The following MXRA7 variants were observed in gnomAD, a reference collection of about 807,000 sequenced individuals.
MXRA7 encodes matrix-remodeling-associated protein 7.
In MXRA7, 18 loss-of-function variants were observed where a neutral mutation model predicts 17.4. The ratio of observed to expected loss-of-function variants is 1.03; its 90% CI spans 0.71 to 1.53. The LOEUF (loss-of-function observed/expected upper bound fraction) is 1.53. Among genes scored for constraint, MXRA7 ranks in the 40% most tolerant of loss-of-function variants. The probability of loss-of-function intolerance (pLI) is 0.00; values close to 1 mark genes in which losing one functional copy is unlikely to be tolerated. For missense variants in MXRA7, 141 were observed against 209.3 expected, an observed-to-expected ratio of 0.67 and a Z score of 2.01; for synonymous variants, 70 against 101.7, an observed-to-expected ratio of 0.69 and a Z score of 1.87.
chr17:76,707,671 A>T (rs941589758), intron 1 of MXRA7, among the ~76,000 whole-genome samples: 1 of 152,034 alleles, frequency 6.6e-6, no homozygotes, highest in African/African-American at 2.4e-5. Flanking sequence ...ACAGACAAGA[A>T]ATTTAACTCT....
At chr17:76,684,468 C>T (rs992022227) in intron 3 of MXRA7, among the ~76,000 whole-genome samples, 2 of 152,164 alleles carry the variant, frequency 1.3e-5, no homozygotes, top group Non-Finnish European at 2.9e-5. Context: ...CTGTGCCCAG[C>T]GCACCCCTTC....
rs533781218 is a variant in MXRA7 at position 76,695,300 on chromosome 17, G to T, written c.343-7124C>A. Among the ~76,000 whole-genome samples the T allele has an allele frequency of 5.3e-5, 8 of 152,252 alleles. No individual in the cohort carries two copies. In the East Asian group the frequency reaches 1.5e-3, roughly 29 times the overall value. ...AAGAAGTGCCGGTTTCAGACACAGT[G>T]CAATGGAGACAAAGACACAAACCCT... On this transcript the variant is annotated intron_variant, in intron 1 of 3. Coordinates refer to ENST00000449428, the MANE Select transcript of MXRA7 (RefSeq NM_198530.4).
intron 1 of MXRA7, among the ~76,000 whole-genome samples, chr17:76,707,309 T>A (rs2076673604): frequency 9.9e-6 from 1 of 100,800 alleles, no homozygotes; most frequent in Non-Finnish European, 2.4e-5. Flanking sequence ...TTTTTTTTTT[T>A]TTTTTTTTTT....
chr17:76,677,565 GCTGT>G, downstream of MXRA7: 1 of 1,545,738 alleles, frequency 6.5e-7, no homozygotes, highest in Non-Finnish European at 8.9e-7. Flanking sequence ...AGGCATGGCC[GCTGT>G]GCATCCCGTG....
rs533630826 is a variant in MXRA7 at position 76,694,600 on chromosome 17, T to C, written c.343-6424A>G. 3.3e-5 allele frequency among the ~76,000 whole-genome samples: 5 copies of C among 152,294 alleles called. No homozygotes were observed. The South Asian group carries it at 1.0e-3, about 32-fold the overall frequency. On this transcript the variant is annotated intron_variant, in intron 1 of 3. Transcript: ENST00000449428. ...TGAATTCCAATTATTATTATTGTTA[T>C]TATTGAGACAGGGTCTTACTGTCAC...
rs2076654991 is a variant in MXRA7 at position 76,706,212 on chromosome 17, ATCACAAAGGCCCACTCTGCCG to A, written c.342+4372_342+4392del. On this transcript the variant is annotated intron_variant, in intron 1 of 3. Transcript: ENST00000449428. The stretch of plus-strand genomic sequence containing the variant: ...TGCCATCACAGAGGCCCACGCTGCC[ATCACAAAGGCCCACTCTGCCG>A]TCACAGAGGCCCACTCTGCCATCAC... Among the ~76,000 whole-genome samples, 113 of 43,866 alleles carry A rather than the reference ATCACAAAGGCCCACTCTGCCG, an allele frequency of 2.6e-3. 4 individuals carry two copies. Among genetic ancestry groups the A allele is most frequent in the Non-Finnish European group, 4.3e-3 (62 of 14,548 alleles). The allele number at this position is 43,866 out of a possible 152,430, so 28.8% of individuals were successfully genotyped here. A position where few individuals can be genotyped will look rare whatever the true frequency, so the allele number is the denominator to read the frequency against.
chr17:76,689,681 A>G (rs941760669), intron 1 of MXRA7: 3 of 152,188 alleles, frequency 2.0e-5, no homozygotes, highest in Admixed American at 1.3e-4. Flanking sequence ...CAGGATTTTT[A>G]TATAATGACT....
At position 76,680,717 on chromosome 17, in the gene MXRA7, T is replaced by C; in HGVS notation, c.*150A>G. On this transcript the variant is annotated 3_prime_UTR_variant, in exon 4 of 4. Transcript: ENST00000449428. ...ATCCTGCTAGCCAAGGGACAAGTCC[T>C]GATTGAGGGTCTAGAGCTCAGCAGA... The C allele has an allele frequency of 7.5e-6, 11 of 1,459,028 alleles. No homozygotes were observed. The highest frequency in any genetic ancestry group is 9.0e-6 in the Non-Finnish European group (10 of 1,105,514). 90.4% of individuals were successfully genotyped at this position (1,459,028 alleles called of 1,614,324 possible).
At chr17:76,672,807 C>T (rs2076212341) in exon 4 of MXRA7, 1 of 152,098 alleles carries the variant, frequency 6.6e-6, no homozygotes, top group African/African-American at 2.4e-5. Context: ...AACGATAAAA[C>T]CAAAACTGAT....
downstream of MXRA7, chr17:76,676,577 A>T (rs1427740466): frequency 1.3e-5 from 2 of 151,092 alleles, no homozygotes; most frequent in Non-Finnish European, 3.0e-5. Context: ...AGCCTGGCCA[A>T]CATGGTGAAA....
At chr17:76,677,784 T>C, downstream of MXRA7, 3 of 937,394 alleles carry the variant, frequency 3.2e-6, no homozygotes, top group Non-Finnish European at 5.2e-6. Context: ...GCCGGCGGAG[T>C]TGGGACTCTC....
chr17:76,676,768 C>T (rs945518601), downstream of MXRA7: 1 of 152,230 alleles, frequency 6.6e-6, no homozygotes. Context: ...TCTCCTTTAG[C>T]TGGATGTAGT....
intron 3 of MXRA7, chr17:76,684,695 A>AGC (rs764222192): frequency 3.4e-5 from 15 of 447,648 alleles, no homozygotes; most frequent in East Asian, 2.2e-4. Context: ...TGGAGAAATC[A>AGC]GCTCTGTTGG....
chr17:76,697,102 C>T (rs957645974), intron 1 of MXRA7, among the ~76,000 whole-genome samples: 1 of 152,162 alleles, frequency 6.6e-6, no homozygotes, highest in Non-Finnish European at 1.5e-5. Context: ...AACTACCTCT[C>T]AGCCTGACTC....
intron 3 of MXRA7, chr17:76,684,728 C>A: frequency 2.4e-6 from 1 of 423,580 alleles, no homozygotes; most frequent in South Asian, 1.9e-5. Context: ...TGAGTGACAG[C>A]CAGGTCTGCT....
At chr17:76,683,750 T>A in intron 3 of MXRA7, 1 of 803,960 alleles carries the variant, frequency 1.2e-6, no homozygotes. Context: ...ATGAAGGCGA[T>A]GGAGGAGGGG....
chr17:76,702,519 G>A (rs1355088140), intron 1 of MXRA7, among the ~76,000 whole-genome samples: 1 of 117,060 alleles, frequency 8.5e-6, no homozygotes, highest in Non-Finnish European at 1.7e-5. Flanking sequence ...ATAAATAAAA[G>A]AAGAAGAAGA....
downstream of MXRA7, among the ~76,000 whole-genome samples, chr17:76,679,083 C>A (rs1440318643): frequency 6.6e-6 from 1 of 151,908 alleles, no homozygotes; most frequent in East Asian, 1.9e-4. Flanking sequence ...TCACTTGAGC[C>A]CAGGAGTTCA....
chr17:76,688,485 C>T (rs1238203588), intron 1 of MXRA7: 2 of 1,330,332 alleles, frequency 1.5e-6, no homozygotes, highest in African/African-American at 1.5e-5. Context: ...GAGAAGTGGG[C>T]CCAGGACTCC....
Sources: gnomAD v4.1 joint callset for allele counts (sites outside exome capture counted in the v4.1 genomes callset) on GRCh38, gnomAD v4.1.1 for gene constraint, MANE v1.5 for transcripts, NCBI Gene and HGNC (gene_info 2026-07-23, HGNC 2026-07-21) for gene names.